The following CACNA1D variants were observed in gnomAD, a reference collection of about 807,000 sequenced individuals.
CACNA1D encodes calcium voltage-gated channel subunit alpha1 D.
Under a neutral mutation model 257.1 loss-of-function variants are expected in CACNA1D, and 55 were observed. The ratio of observed to expected loss-of-function variants is 0.21; its 90% CI spans 0.17 to 0.27. The LOEUF (loss-of-function observed/expected upper bound fraction) is 0.27. CACNA1D is among the 10% of genes least tolerant of loss of function. CACNA1D has a pLI of 1.00. For synonymous variants in CACNA1D, 980 were observed against 1,014.9 expected, an observed-to-expected ratio of 0.97 and a Z score of 0.65; for missense variants, 1,876 against 2,784.0, an observed-to-expected ratio of 0.67 and a Z score of 7.34.
chr3:53,722,507 A>C, intron 12 of CACNA1D, 33 bp downstream of exon 12: 1 of 1,609,274 alleles, frequency 6.2e-7, no homozygotes, highest in Non-Finnish European at 8.5e-7. Flanking sequence ...TTTTGTTCTG[A>C]ACTAGAGATT....
At chr3:53,686,339 G>A (rs2094473234) in intron 8 of CACNA1D, among the ~76,000 whole-genome samples, 1 of 152,044 alleles carries the variant, frequency 6.6e-6, no homozygotes, top group Non-Finnish European at 1.5e-5. Flanking sequence ...AGTAAAGTTG[G>A]AGGGAGCATT....
At chr3:53,641,818 T>C (rs929968669) in intron 3 of CACNA1D, among the ~76,000 whole-genome samples, 3 of 152,182 alleles carry the variant, frequency 2.0e-5, no homozygotes, top group African/African-American at 4.8e-5. Flanking sequence ...CAGTGACTTA[T>C]AGGGCTCGGA....
At position 53,650,820 on chromosome 3, in the gene CACNA1D, G is replaced by A; in HGVS notation, c.525G>A (p.Glu175=). ...EYAFLIIFTV[E]TFLKIIAYGL... is the part of the protein sequence containing the mutation. ...CCTTCCTGATTATTTTTACAGTCGA[G>A]ACATTTTTGAAGATTATAGCGTATG... Residue 175 remains glutamate, a synonymous_variant, in exon 4 of 48, where the codon GAG becomes GAA. Transcript: ENST00000350061. The A allele has an allele frequency of 6.2e-7, 1 of 1,613,686 alleles. No individual in the cohort carries two copies. Among genetic ancestry groups the A allele is most frequent in the Non-Finnish European group, 8.5e-7 (1 of 1,179,646 alleles).
rs1559741092 is a variant in CACNA1D, at chr3:53,813,695, A to C, written c.*2289A>C. 1.3e-5 allele frequency: 2 copies of C among 152,090 alleles called. No individual in the cohort carries two copies. The highest frequency in any genetic ancestry group is 2.9e-5 in the Non-Finnish European group (2 of 68,022). The allele number at this position is 152,090 out of a possible 1,614,324, so 9.4% of individuals were successfully genotyped here. A position where few individuals can be genotyped will look rare whatever the true frequency, so the allele number is the denominator to read the frequency against. Reference sequence around the variant, plus strand: ...GTATGTCTGCTTTAAGCCTGGTTCAACCTCTCATCGAATATTAAATTTTTC... The same window carrying C: ...GTATGTCTGCTTTAAGCCTGGTTCACCCTCTCATCGAATATTAAATTTTTC... On this transcript the variant is annotated 3_prime_UTR_variant, in exon 48 of 48. Transcript: ENST00000350061.
intron 8 of CACNA1D, chr3:53,679,902 A>T (rs921346222): frequency 6.6e-6 from 1 of 152,230 alleles, no homozygotes; most frequent in Middle Eastern, 3.2e-3. Context: ...TGGCTTTGGT[A>T]GAACAAGAAA....
intron 45 of CACNA1D, 178 bp downstream of exon 45, chr3:53,805,324 A>G (rs1215903028): frequency 1.6e-6 from 1 of 637,572 alleles, no homozygotes; most frequent in African/African-American, 1.8e-5. Context: ...TCCATATCTC[A>G]CGTGATAGAG....
chr3:53,735,613 T>C (rs1576502832), intron 20 of CACNA1D, 110 bp downstream of exon 20: 1 of 1,236,750 alleles, frequency 8.1e-7, no homozygotes, highest in Non-Finnish European at 1.2e-6. Flanking sequence ...CTAGAGTAGG[T>C]CTTTCCTTCA....
intron 3 of CACNA1D, among the ~76,000 whole-genome samples, chr3:53,612,693 T>G (rs1322844681): frequency 6.6e-6 from 1 of 152,132 alleles, no homozygotes; most frequent in Non-Finnish European, 1.5e-5. Context: ...CCAGACTGTT[T>G]CCTCAGCTCA....
chr3:53,701,456 C>A (rs1373979019), intron 8 of CACNA1D, among the ~76,000 whole-genome samples: 1 of 152,162 alleles, frequency 6.6e-6, no homozygotes, highest in African/African-American at 2.4e-5. Flanking sequence ...GAAAGCAGGT[C>A]ACTTCCCCAT....
At chr3:53,596,241 C>T (rs1055444847) in intron 3 of CACNA1D, among the ~76,000 whole-genome samples, 1 of 151,934 alleles carries the variant, frequency 6.6e-6, no homozygotes, top group Admixed American at 6.6e-5. Flanking sequence ...GACCTTCATC[C>T]CCCCTCCCCC....
At chr3:53,757,573 A>G (rs1250571929) in intron 29 of CACNA1D, among the ~76,000 whole-genome samples, 2 of 152,206 alleles carry the variant, frequency 1.3e-5, no homozygotes, top group East Asian at 3.9e-4. Context: ...CCACTCTTGC[A>G]GTGATATTTT....
chr3:53,522,745 A>G (rs1407302776), intron 3 of CACNA1D, among the ~76,000 whole-genome samples: 1 of 152,212 alleles, frequency 6.6e-6, no homozygotes, highest in Non-Finnish European at 1.5e-5. Flanking sequence ...TAATTAGGGT[A>G]TCCGCCACCT....
At chr3:53,539,208 C>T (rs1050222650) in intron 3 of CACNA1D, among the ~76,000 whole-genome samples, 5 of 152,024 alleles carry the variant, frequency 3.3e-5, no homozygotes, top group African/African-American at 1.2e-4. Context: ...CTCCCGGGTT[C>T]AAGCACTTCT....
At position 53,774,497 on chromosome 3, in the gene CACNA1D, G is replaced by T; in HGVS notation, c.4111-90G>T. On this transcript the variant is annotated intron_variant, in intron 33 of 47. Transcript: ENST00000350061. The surrounding 1 kb of genome is among the most constrained non-coding windows in gnomAD (Gnocchi z 4.3). ...CCATGAGAAAACCCTAGCTGGTAAA[G>T]ATCAAACCTGAGTTAGTTCTAAATT... is the stretch of plus-strand genomic sequence containing the variant. 1 of 813,654 alleles carries T rather than the reference G, an allele frequency of 1.2e-6. No homozygotes were observed. The allele number at this position is 813,654 out of a possible 1,614,324, so 50.4% of individuals were successfully genotyped here. A position where few individuals can be genotyped will look rare whatever the true frequency, so the allele number is the denominator to read the frequency against.
chr3:53,771,557 G>A (rs889487748), intron 32 of CACNA1D, among the ~76,000 whole-genome samples: 4 of 152,218 alleles, frequency 2.6e-5, no homozygotes, highest in African/African-American at 9.6e-5. Flanking sequence ...TGAGGTTGGA[G>A]GAAGGTAAAG....
intron 7 of CACNA1D, among the ~76,000 whole-genome samples, chr3:53,669,113 C>G (rs1376551831): frequency 1.3e-5 from 2 of 152,236 alleles, no homozygotes; most frequent in Non-Finnish European, 2.9e-5. Context: ...CGACTGTTCT[C>G]TAAGATTTTA....
At chr3:53,691,742 CATA>C (rs2094523234) in intron 8 of CACNA1D, among the ~76,000 whole-genome samples, 1 of 34,346 alleles carries the variant, frequency 2.9e-5, no homozygotes, top group Non-Finnish European at 5.6e-5. Flanking sequence ...ATATATATTA[CATA>C]TATAATATAT....
At chr3:53,676,237 G>A (rs1443002093) in intron 8 of CACNA1D, among the ~76,000 whole-genome samples, 2 of 152,170 alleles carry the variant, frequency 1.3e-5, no homozygotes, top group African/African-American at 2.4e-5. Flanking sequence ...GGCGACTGAC[G>A]ATGGGCTGGC....
chr3:53,558,547 G>T (rs75127845), intron 3 of CACNA1D, among the ~76,000 whole-genome samples: 1 of 152,034 alleles, frequency 6.6e-6, no homozygotes, highest in East Asian at 1.9e-4. Flanking sequence ...TTTGTTGACT[G>T]CATTTCTTTT....
Sources: gnomAD v4.1 joint callset for allele counts (sites outside exome capture counted in the v4.1 genomes callset) on GRCh38, gnomAD v4.1.1 for gene constraint, Gnocchi (gnomAD v3.1) non-coding constraint, MANE v1.5 for transcripts, NCBI Gene and HGNC (gene_info 2026-07-23, HGNC 2026-07-21) for gene names.